Variants in WDR62 observed in about 807,000 individuals in gnomAD.
WDR62 encodes the protein WD repeat-containing protein 62.
Under a neutral mutation model 160.6 loss-of-function variants are expected in WDR62, and 112 were observed. The ratio of observed to expected loss-of-function variants is 0.70; its 90% CI spans 0.60 to 0.82. WDR62 has a LOEUF of 0.82. WDR62 is among the 40% of genes least tolerant of loss of function. The pLI is 0.00. For missense variants in WDR62, 1,819 were observed against 1,983.8 expected (o/e 0.92, Z 1.58); for synonymous variants, 792 against 815.1 (o/e 0.97, Z 0.48).
chr19:36,099,734 A>C, intron 22 of WDR62, 117 bp downstream of exon 22: 3 of 1,024,712 alleles, frequency 2.9e-6, no homozygotes, highest in Non-Finnish European at 4.4e-6. Context: ...GAGATGGTGA[A>C]GGGCAGGAGG....
At chr19:36,099,884 C>G (rs1386736990) in intron 22 of WDR62, among the ~76,000 whole-genome samples, 1 of 152,050 alleles carries the variant, frequency 6.6e-6, no homozygotes, top group Non-Finnish European at 1.5e-5. Flanking sequence ...AGATCGAGCC[C>G]TGACCCTACC....
Position 36,104,595 on chromosome 19 carries a change from C to T in WDR62, c.4231C>T (p.Pro1411Ser). The T allele has an allele frequency of 6.2e-7, 1 of 1,613,756 alleles. No homozygotes were observed. The highest frequency in any genetic ancestry group is 8.5e-7 in the Non-Finnish European group (1 of 1,179,960). ...WVPVEALPPS[P>S]LELSRVGNIL... ...GCCGGTTGAAGCCCTGCCCCCATCT[C>T]CCCTTGAGCTGAGCAGGGTGGGGAA... Residue 1411 changes from proline to serine, a missense_variant, in exon 31 of 32, where the codon CCC becomes TCC. By Grantham distance (74) the Pro-to-Ser change is moderately conservative. This residue lies in a region of WDR62 where 770 missense variants were observed against 734.2 expected (regional missense o/e 1.05). Coordinates refer to ENST00000401500, the MANE Select transcript of WDR62 (RefSeq NM_001083961.2).
intron 1 of WDR62, among the ~76,000 whole-genome samples, chr19:36,057,463 C>T (rs1213143070): frequency 6.6e-6 from 1 of 152,038 alleles, no homozygotes; most frequent in Non-Finnish European, 1.5e-5. Flanking sequence ...AATCCTGGCA[C>T]TACCCCTTCC....
rs146273289 is a variant in WDR62 at position 36,067,908 on chromosome 19, C to T, written c.780C>T (p.Cys260=). Residue 260 remains cysteine, a synonymous_variant, in exon 7 of 32, where the codon TGC becomes TGT. Transcript: ENST00000401500. Reference sequence around the variant, plus strand: ...ACAACATCTTCTGTGGTGTGGCCTGCGGTCGGGGCCGGATGGCGGGCAGTA... The same window carrying T: ...ACAACATCTTCTGTGGTGTGGCCTGTGGTCGGGGCCGGATGGCGGGCAGTA... ...LHNNIFCGVA[C]GRGRMAGSTF... is the part of the protein sequence containing the mutation. 3.7e-5 allele frequency: 59 copies of T among 1,614,064 alleles called. No homozygotes were observed. Among genetic ancestry groups the T allele is most frequent in the Admixed American group, 3.3e-4 (20 of 60,000 alleles).
At chr19:36,104,429 A>C in intron 30 of WDR62, 89 bp from the exon 31 acceptor site, 2 of 1,531,732 alleles carry the variant, frequency 1.3e-6, no homozygotes, top group Non-Finnish European at 1.8e-6. Flanking sequence ...TTCCAGACAG[A>C]AGTACAGCAT....
At chr19:36,056,057 C>G (rs945888608) in intron 1 of WDR62, among the ~76,000 whole-genome samples, 2 of 152,122 alleles carry the variant, frequency 1.3e-5, no homozygotes, top group Non-Finnish European at 2.9e-5. Flanking sequence ...CCCAGCTACT[C>G]AGGAGGCTGA....
chr19:36,102,406 A>T, intron 26 of WDR62: 1 of 599,390 alleles, frequency 1.7e-6, no homozygotes, highest in Non-Finnish European at 3.0e-6. Flanking sequence ...GATTATAGGC[A>T]TCCACAACCA....
In WDR62 at chr19:36,100,734, T is replaced by C; in HGVS notation, c.2740-14T>C. 1 of 1,613,848 alleles carries C rather than the reference T, an allele frequency of 6.2e-7. No homozygotes were observed. The highest frequency in any genetic ancestry group is 8.5e-7 in the Non-Finnish European group (1 of 1,179,936). On this transcript the variant is annotated splice_polypyrimidine_tract_variant and intron_variant, in intron 22 of 31. Coordinates refer to ENST00000401500, the MANE Select transcript of WDR62 (RefSeq NM_001083961.2). ...CATGCCTGCCTCAGAATGGCTGTGC[T>C]GTCTTCCCCATAGTCAGAGAGTCCC...
At chr19:36,104,718 T>G in intron 31 of WDR62, 43 bp downstream of exon 31, 1 of 1,613,860 alleles carries the variant, frequency 6.2e-7, no homozygotes, top group Non-Finnish European at 8.5e-7. Context: ...AGGGGTCTCT[T>G]GAGACCGCCC....
At chr19:36,102,695 G>A (rs775691836) in intron 26 of WDR62, 42 bp from the exon 27 acceptor site, 22 of 1,592,406 alleles carry the variant, frequency 1.4e-5, no homozygotes, top group African/African-American at 1.3e-4. Context: ...AGGGCTGCTC[G>A]GCGGGAAGGG....
chr19:36,071,119 AC>A, intron 7 of WDR62: 1 of 197,768 alleles, frequency 5.1e-6, no homozygotes, highest in South Asian at 8.1e-5. Flanking sequence ...CAGGAGAATC[AC>A]TTGAACCCAG....
In WDR62 at chr19:36,102,496, G is replaced by A. The variant is rs755223817; in HGVS notation, c.3221-241G>A. The A allele has an allele frequency of 2.0e-5, 12 of 592,870 alleles. 1 individual carries two copies. The highest frequency in any genetic ancestry group is 3.6e-5 in the Non-Finnish European group (12 of 334,142). 36.7% of individuals were successfully genotyped at this position (592,870 alleles called of 1,614,324 possible). ...AGACTGGTCTCAAACTCCTGCCTCA[G>A]ATGATCTGCCCGCCTTGGCCTCCCA... On this transcript the variant is annotated intron_variant, in intron 26 of 31. Coordinates refer to ENST00000401500, the MANE Select transcript of WDR62 (RefSeq NM_001083961.2).
chr19:36,071,859 A>G, intron 8 of WDR62, 143 bp downstream of exon 8: 1 of 1,200,114 alleles, frequency 8.3e-7, no homozygotes, highest in Non-Finnish European at 1.1e-6. Flanking sequence ...ATTACAAAGC[A>G]GAAAAGTCCT....
In WDR62 at chr19:36,104,915, C is replaced by A. The variant is rs760044159; in HGVS notation, c.4459C>A (p.Pro1487Thr). ...APAQALPSPG[P>T]PSPPTLYPLA... Reference sequence around the variant, plus strand: ...AGCCCAGGCTCTGCCCAGCCCAGGACCCCCGTCCCCACCGACGCTGTACCC... The same window carrying A: ...AGCCCAGGCTCTGCCCAGCCCAGGAACCCCGTCCCCACCGACGCTGTACCC... Residue 1487 changes from proline (P) to threonine (T), a missense_variant, in exon 32 of 32, where the codon CCC becomes ACC. Transcript: ENST00000401500. 5.0e-6 allele frequency: 8 copies of A among 1,610,222 alleles called. No individual in the cohort carries two copies. The South Asian group carries it at 5.5e-5, about 11-fold the overall frequency.
chr19:36,075,025 T>C (rs541724854), intron 9 of WDR62: 2 of 152,344 alleles, frequency 1.3e-5, no homozygotes, highest in African/African-American at 4.8e-5. Flanking sequence ...ATACTGCTTC[T>C]ACCCTCTTCT....
At chr19:36,082,682 G>A (rs889414259) in intron 10 of WDR62, among the ~76,000 whole-genome samples, 1 of 152,174 alleles carries the variant, frequency 6.6e-6, no homozygotes, top group Non-Finnish European at 1.5e-5. Flanking sequence ...AAGGTAACCA[G>A]TTTAGACCGT....
intron 21 of WDR62, 95 bp downstream of exon 21, chr19:36,097,174 CTT>C (rs1477147499): frequency 2.4e-6 from 3 of 1,238,568 alleles, no homozygotes; most frequent in South Asian, 1.3e-5. Flanking sequence ...CCATGTCCCT[CTT>C]TTCCCTGGAG....
At position 36,071,465 on chromosome 19, in the gene WDR62, TGGA is replaced by T. The variant is rs533895149; in HGVS notation, c.883-88_883-86del. ...GACCCAAGGAACTGTAAGTCTTCTC[TGGA>T]GGCCTAAGGCTGCTCTGTCAGTCCC... is the stretch of plus-strand genomic sequence containing the variant. On this transcript the variant is annotated intron_variant, in intron 7 of 31. Coordinates refer to ENST00000401500, the MANE Select transcript of WDR62 (RefSeq NM_001083961.2). 9.4e-5 allele frequency: 139 copies of T among 1,481,704 alleles called. No homozygotes were observed. In the African/African-American group the frequency reaches 1.7e-3, roughly 18 times the overall value. The allele number at this position is 1,481,704 out of a possible 1,614,324, so 91.8% of individuals were successfully genotyped here.
intron 9 of WDR62, among the ~76,000 whole-genome samples, chr19:36,078,982 C>T (rs964684634): frequency 6.8e-5 from 10 of 147,958 alleles, no homozygotes; most frequent in African/African-American, 1.8e-4. Flanking sequence ...TTATGTGATA[C>T]CAGTTTTTCT....
Sources: gnomAD v4.1 joint callset for allele counts (sites outside exome capture counted in the v4.1 genomes callset) on GRCh38, gnomAD v4.1.1 for gene constraint, gnomAD v4.1.1 regional missense constraint, MANE v1.5 for transcripts, NCBI Gene and HGNC (gene_info 2026-07-23, HGNC 2026-07-21) for gene names.